Variants in TMEM59L observed in about 807,000 individuals in gnomAD.
The protein encoded by TMEM59L is transmembrane protein 59-like.
TMEM59L carries 31 observed loss-of-function variants against 39.6 expected under a neutral mutation model. The ratio of observed to expected loss-of-function variants is 0.78; its 90% confidence interval spans 0.59 to 1.06. The LOEUF (loss-of-function observed/expected upper bound fraction) is 1.06. TMEM59L is among the 50% of genes least tolerant of loss of function. The pLI is 0.00. For synonymous variants in TMEM59L, 219 were observed against 202.9 expected (o/e 1.08, Z -0.68); for missense variants, 441 against 451.3 (o/e 0.98, Z 0.21).
At chr19:18,616,234 G>T in intron 4 of TMEM59L, 107 bp downstream of exon 4, 1 of 1,380,870 alleles carries the variant, frequency 7.2e-7, no homozygotes, top group Non-Finnish European at 1.0e-6. Context: ...CACAGTGGGC[G>T]AGCTTCAGGC....
At chr19:18,618,647 G>A (rs894323136) in intron 7 of TMEM59L, among the ~76,000 whole-genome samples, 155 bp downstream of exon 7, 1 of 74,630 alleles carries the variant, frequency 1.3e-5, no homozygotes, top group Admixed American at 1.1e-4. Context: ...ATACATATAC[G>A]TGTGTGTGTG....
At chr19:18,619,333 C>T (rs962986438) in intron 7 of TMEM59L, among the ~76,000 whole-genome samples, 6 of 152,114 alleles carry the variant, frequency 3.9e-5, no homozygotes, top group Non-Finnish European at 7.4e-5. Flanking sequence ...TCTTCACTGC[C>T]CTTTGAATTG....
At chr19:18,613,226 C>A in intron 1 of TMEM59L, 97 bp downstream of exon 1, 5 of 1,092,752 alleles carry the variant, frequency 4.6e-6, no homozygotes, top group Non-Finnish European at 4.6e-6. Flanking sequence ...CAGCAGGAGA[C>A]TTTGGTGGGG....
At chr19:18,618,107 C>A in intron 5 of TMEM59L, 48 bp from the exon 6 acceptor site, 1 of 1,431,964 alleles carries the variant, frequency 7.0e-7, no homozygotes, top group Non-Finnish European at 9.9e-7. Flanking sequence ...GTTATTGTGG[C>A]CTCTTAGCAA....
chr19:18,613,766 G>T (rs954506359), intron 1 of TMEM59L, 106 bp from the exon 2 acceptor site: 57 of 842,908 alleles, frequency 6.8e-5, no homozygotes, highest in East Asian at 2.5e-4. Flanking sequence ...GCTAGATGTC[G>T]TGGGGAGCGG....
chr19:18,617,482 T>C (rs1201434211), intron 5 of TMEM59L: 3 of 464,970 alleles, frequency 6.5e-6, no homozygotes, highest in Non-Finnish European at 4.3e-6. Context: ...CAGGGATCCA[T>C]GGTTCACTTT....
chr19:18,620,335 A>G, intron 7 of TMEM59L, 73 bp from the exon 8 acceptor site: 5 of 1,410,486 alleles, frequency 3.5e-6, no homozygotes, highest in Non-Finnish European at 4.8e-6. Context: ...CAGAGGTGGG[A>G]AGGAGACAGT....
chr19:18,620,713 C>A lies in TMEM59L; in HGVS notation c.*177C>A. On this transcript the variant is annotated 3_prime_UTR_variant, in exon 8 of 8. Coordinates refer to ENST00000262817, the MANE Select transcript of TMEM59L (RefSeq NM_012109.3). The stretch of plus-strand genomic sequence containing the variant: ...GAGTCCTGGGGACGCAGTGCCCCAG[C>A]TGGGAAGAGGGCGGGATCGGGCACT... The A allele has an allele frequency of 1.1e-6, 1 of 940,542 alleles. No homozygotes were observed. Among genetic ancestry groups the A allele is most frequent in the Non-Finnish European group, 1.5e-6 (1 of 671,872 alleles). 58.3% of individuals were successfully genotyped at this position (940,542 alleles called of 1,614,324 possible).
chr19:18,618,188 C>A lies in TMEM59L; in HGVS notation c.698C>A (p.Ala233Asp). The stretch of plus-strand genomic sequence containing the variant: ...GGCCCCCTGGACAAGGTGAGGAAGG[C>A]CAAGATCCGAGTCAAGACCAGCAGC... ...PVGPLDKVRKAKIRVKTSSKA... is the reference protein window; with the variant it reads ...PVGPLDKVRKDKIRVKTSSKA... Residue 233 changes from alanine to aspartate, a missense_variant, in exon 6 of 8, where the codon GCC becomes GAC. Transcript: ENST00000262817. The A allele has an allele frequency of 1.2e-6, 2 of 1,613,584 alleles. No individual in the cohort carries two copies. Among genetic ancestry groups the A allele is most frequent in the Non-Finnish European group, 1.7e-6 (2 of 1,179,948 alleles).
rs768483704 is a variant in TMEM59L at position 18,612,908 on chromosome 19, C to T, written c.-51C>T. The T allele has an allele frequency of 5.6e-6, 7 of 1,261,042 alleles. No individual in the cohort carries two copies. The South Asian group carries it at 1.2e-4, about 22-fold the overall frequency. The allele number at this position is 1,261,042 out of a possible 1,614,324, so 78.1% of individuals were successfully genotyped here. ...TCCCCGCCGCAGCCGCTGCATCCTC[C>T]GTGCCCGGCCTGAGCTGGAGTCCCC... On this transcript the variant is annotated 5_prime_UTR_variant, in exon 1 of 8. Coordinates refer to ENST00000262817, the MANE Select transcript of TMEM59L (RefSeq NM_012109.3). This position sits in a 1 kb window ranked among gnomAD's most constrained non-coding sequence, Gnocchi z 6.2.
chr19:18,619,943 ACTCCAG>A, intron 7 of TMEM59L, among the ~76,000 whole-genome samples: 1 of 151,074 alleles, frequency 6.6e-6, no homozygotes, highest in East Asian at 2.0e-4. Flanking sequence ...GCACCACTAT[ACTCCAG>A]CCTGGACAAC....
chr19:18,616,993 G>A lies in TMEM59L; in HGVS notation c.562-7G>A. Reference sequence around the variant, plus strand: ...AGCCTCTCTGTGCTGTCTTGTTCCTGGCCCAGACTCAGCCCATAGTGGAGA... The same window carrying A: ...AGCCTCTCTGTGCTGTCTTGTTCCTAGCCCAGACTCAGCCCATAGTGGAGA... On this transcript the variant is annotated splice_region_variant and splice_polypyrimidine_tract_variant and intron_variant, in intron 4 of 7. Transcript: ENST00000262817. 1 of 1,602,024 alleles carries A rather than the reference G, an allele frequency of 6.2e-7. No homozygotes were observed. The highest frequency in any genetic ancestry group is 8.5e-7 in the Non-Finnish European group (1 of 1,173,308).
chr19:18,615,134 C>G (rs1976414164), intron 3 of TMEM59L, among the ~76,000 whole-genome samples: 1 of 152,122 alleles, frequency 6.6e-6, no homozygotes, highest in Non-Finnish European at 1.5e-5. Flanking sequence ...AGGCACCCCC[C>G]ACTACAATCG....
chr19:18,620,572 G>A lies in TMEM59L; in HGVS notation c.*36G>A, dbSNP rs931427336. On this transcript the variant is annotated 3_prime_UTR_variant, in exon 8 of 8. Coordinates refer to ENST00000262817, the MANE Select transcript of TMEM59L (RefSeq NM_012109.3). ...GCCCCATCACTGCCAACTGCAGGGG[G>A]CCCCTCGGGCCTCACTTGCCCTGAG... 3.1e-6 allele frequency: 5 copies of A among 1,603,314 alleles called. No individual in the cohort carries two copies. Among genetic ancestry groups the A allele is most frequent in the Admixed American group, 1.7e-5 (1 of 59,454 alleles).
chr19:18,618,529 G>A, intron 7 of TMEM59L, 37 bp downstream of exon 7: 1 of 1,574,588 alleles, frequency 6.4e-7, no homozygotes, highest in Non-Finnish European at 8.6e-7. Context: ...GGCCGAGGGA[G>A]GGGGTGAAGG....
chr19:18,618,269 C>G lies in TMEM59L; in HGVS notation c.779C>G (p.Ser260Cys). ...PQDNDFLSCM[S>C]RRSGLPRWIL... ...GACAATGACTTCCTCAGTTGCATGT[C>G]CCGGTGGGTGGCAGGACCTTGGGGG... is the stretch of plus-strand genomic sequence containing the variant. Residue 260 changes from serine (S) to cysteine (C), a missense_variant, in exon 6 of 8, where the codon TCC (serine) becomes TGC (cysteine). Transcript: ENST00000262817. The G allele has an allele frequency of 6.4e-7, 1 of 1,572,238 alleles. No individual in the cohort carries two copies. The highest frequency in any genetic ancestry group is 8.7e-7 in the Non-Finnish European group (1 of 1,148,792).
At chr19:18,615,473 C>CA (rs1368106574) in intron 3 of TMEM59L, among the ~76,000 whole-genome samples, 1 of 152,254 alleles carries the variant, frequency 6.6e-6, no homozygotes, top group Admixed American at 6.5e-5. Context: ...GAGCACAATC[C>CA]ACTTCCCTAA....
At position 18,614,124 on chromosome 19, in the gene TMEM59L, A is replaced by G; in HGVS notation, c.337A>G (p.Lys113Glu). ...CEAACVEAYV[K>E]EAEQQACSHG... ...CACAGCCTGCGTGGAAGCCTATGTG[A>G]AGGAGGCAGAGCAGCAGGCCTGTAG... Residue 113 changes from lysine (K) to glutamate (E), a missense_variant, in exon 3 of 8, where the codon AAG becomes GAG. By Grantham distance (56) the Lys-to-Glu change is moderately conservative (BLOSUM62 1). Coordinates refer to ENST00000262817, the MANE Select transcript of TMEM59L (RefSeq NM_012109.3). 2 of 1,611,618 alleles carry G rather than the reference A, an allele frequency of 1.2e-6. No homozygotes were observed. The highest frequency in any genetic ancestry group is 8.5e-7 in the Non-Finnish European group (1 of 1,179,522).
chr19:18,618,515 G>T, intron 7 of TMEM59L, 23 bp downstream of exon 7: 2 of 1,589,206 alleles, frequency 1.3e-6, no homozygotes, highest in Non-Finnish European at 8.5e-7. Context: ...TGTGAATGGC[G>T]CTGGGCCGAG....
Sources: allele counts gnomAD v4.1 joint callset (sites outside exome capture counted in the v4.1 genomes callset), GRCh38; gene constraint gnomAD v4.1.1; non-coding constraint Gnocchi (gnomAD v3.1); transcripts MANE v1.5; gene names NCBI Gene and HGNC (gene_info 2026-07-23, HGNC 2026-07-21).